The following ZBTB20 variants were observed in gnomAD, a reference collection of about 807,000 sequenced individuals.
The protein encoded by ZBTB20 is zinc finger and BTB domain-containing protein 20.
ZBTB20 carries 9 observed loss-of-function variants against 56.9 expected under a neutral mutation model. The ratio of observed to expected loss-of-function variants is 0.16; its 90% CI spans 0.10 to 0.28. ZBTB20 has a LOEUF of 0.28. Ranked by LOEUF, ZBTB20 falls within the 10% of genes least tolerant of loss-of-function variation. ZBTB20 has a pLI of 1.00. For synonymous variants in ZBTB20, 417 were observed against 420.7 expected (o/e 0.99, Z 0.11); for missense variants, 655 against 1,003.0 (o/e 0.65, Z 4.69).
intron 4 of ZBTB20, among the ~76,000 whole-genome samples, chr3:114,825,690 G>A (rs1051820962): frequency 6.6e-6 from 1 of 151,840 alleles, no homozygotes; most frequent in African/African-American, 2.4e-5. Context: ...AAAATACTGT[G>A]TACTGTCTAT....
At chr3:115,112,553 A>G (rs532534379) in intron 1 of ZBTB20, among the ~76,000 whole-genome samples, 1 of 152,266 alleles carries the variant, frequency 6.6e-6, no homozygotes, top group South Asian at 2.1e-4. Context: ...AGAACACGAG[A>G]TATCTGTATT....
At chr3:114,826,374 A>G (rs751059109) in intron 4 of ZBTB20, among the ~76,000 whole-genome samples, 7 of 151,884 alleles carry the variant, frequency 4.6e-5, no homozygotes, top group Non-Finnish European at 8.9e-5. Context: ...TACAGTTCAT[A>G]GCTCATACCC....
At chr3:114,361,410 G>C (rs2081867364) in intron 10 of ZBTB20, among the ~76,000 whole-genome samples, 1 of 152,124 alleles carries the variant, frequency 6.6e-6, no homozygotes, top group Non-Finnish European at 1.5e-5. Context: ...CCACTGGTTG[G>C]TGAGGTAATA....
At chr3:115,083,403 T>C (rs1376382190) in intron 1 of ZBTB20, among the ~76,000 whole-genome samples, 2 of 152,030 alleles carry the variant, frequency 1.3e-5, no homozygotes, top group African/African-American at 4.8e-5. Flanking sequence ...CATCAAACTA[T>C]ACTGTTTCAC....
rs114139793 is a variant in ZBTB20, at chr3:114,499,740, T to C, written c.-255+612A>G. Among the ~76,000 whole-genome samples the C allele has an allele frequency of 9.7e-3, 1,484 of 152,206 alleles. 25 individuals carry two copies. The highest frequency in any genetic ancestry group is 0.032 in the African/African-American group (1,339 of 41,514). Reference sequence around the variant, plus strand: ...TTTCATATAAAATCGTGTTTTTTTTTCCCCCCGAATACCTTTCCATCTTTT... The same window carrying C: ...TTTCATATAAAATCGTGTTTTTTTTCCCCCCCGAATACCTTTCCATCTTTT... On this transcript the variant is annotated intron_variant, in intron 7 of 11. Transcript: ENST00000675478.
chr3:114,631,382 CTTTTTTT>C (rs66470152), intron 6 of ZBTB20, among the ~76,000 whole-genome samples: 37 of 49,828 alleles, frequency 7.4e-4, no homozygotes, highest in Admixed American at 6.9e-3. Context: ...ATAGGTTATT[CTTTTTTT>C]TTTTTTTTTT....
intron 6 of ZBTB20, among the ~76,000 whole-genome samples, chr3:114,682,361 C>G (rs17681475): frequency 0.56 from 85,046 of 152,072 alleles, 27,891 homozygotes; most frequent in Non-Finnish European, 0.74. Context: ...TCTACAATGC[C>G]TTTTGTATGC....
At chr3:114,450,636 G>A (rs548536568) in intron 7 of ZBTB20, among the ~76,000 whole-genome samples, 2 of 152,220 alleles carry the variant, frequency 1.3e-5, no homozygotes, top group East Asian at 3.9e-4. Flanking sequence ...AGTCTTGCAT[G>A]TAACTATACA....
intron 2 of ZBTB20, among the ~76,000 whole-genome samples, chr3:115,044,647 T>C (rs2081272902): frequency 6.6e-6 from 1 of 152,220 alleles, no homozygotes; most frequent in African/African-American, 2.4e-5. Flanking sequence ...AACATACCAA[T>C]GCCAGAGCCC....
At chr3:114,434,412 G>C (rs1009854938) in intron 7 of ZBTB20, among the ~76,000 whole-genome samples, 2 of 152,096 alleles carry the variant, frequency 1.3e-5, no homozygotes, top group Non-Finnish European at 2.9e-5. Context: ...TCCCATGGTA[G>C]TGGGAAATAG....
intron 6 of ZBTB20, among the ~76,000 whole-genome samples, chr3:114,626,524 G>C (rs973097136): frequency 2.0e-5 from 3 of 152,080 alleles, no homozygotes; most frequent in Non-Finnish European, 4.4e-5. Flanking sequence ...TGGATTGAGA[G>C]GAATCAATAT....
intron 5 of ZBTB20, among the ~76,000 whole-genome samples, chr3:114,765,567 T>G (rs1009940533): frequency 6.6e-6 from 1 of 152,160 alleles, no homozygotes; most frequent in African/African-American, 2.4e-5. Context: ...TCAGACTTCT[T>G]GCTTCCAGAA....
At chr3:114,623,922 T>A (rs1052560370) in intron 6 of ZBTB20, among the ~76,000 whole-genome samples, 1 of 152,190 alleles carries the variant, frequency 6.6e-6, no homozygotes, top group Non-Finnish European at 1.5e-5. Context: ...GCCTCAAGGC[T>A]CTGCCATTGT....
intron 2 of ZBTB20, among the ~76,000 whole-genome samples, chr3:115,009,408 C>T (rs1004939658): frequency 6.6e-6 from 1 of 151,862 alleles, no homozygotes. Flanking sequence ...TCCTACATAC[C>T]TATTCTCCCA....
chr3:114,991,296 G>C (rs1472919184), intron 2 of ZBTB20, among the ~76,000 whole-genome samples: 2 of 152,080 alleles, frequency 1.3e-5, no homozygotes, highest in Non-Finnish European at 2.9e-5. Flanking sequence ...AGAGATTCTA[G>C]TATGCTGTGT....
intron 1 of ZBTB20, among the ~76,000 whole-genome samples, chr3:115,077,818 G>T (rs1392275024): frequency 6.6e-6 from 1 of 152,134 alleles, no homozygotes. Flanking sequence ...ATGGAAGATA[G>T]TCTGAAGTTT....
chr3:114,788,984 G>C (rs2070754222), intron 5 of ZBTB20, among the ~76,000 whole-genome samples: 1 of 152,086 alleles, frequency 6.6e-6, no homozygotes, highest in African/African-American at 2.4e-5. Context: ...AACCGCCCCT[G>C]TGATTCAAGT....
At chr3:114,772,329 G>A (rs1410624281) in intron 5 of ZBTB20, among the ~76,000 whole-genome samples, 4 of 152,056 alleles carry the variant, frequency 2.6e-5, no homozygotes, top group Non-Finnish European at 4.4e-5. Context: ...AACAGAGTGA[G>A]ACTCCGTCTC....
intron 2 of ZBTB20, among the ~76,000 whole-genome samples, chr3:114,990,952 T>A (rs1316585330): frequency 6.6e-6 from 1 of 152,174 alleles, no homozygotes; most frequent in Non-Finnish European, 1.5e-5. Flanking sequence ...GATGGTGATA[T>A]CCCCTTTATC....
Sources: gnomAD v4.1 joint callset for allele counts (sites outside exome capture counted in the v4.1 genomes callset) on GRCh38, gnomAD v4.1.1 for gene constraint, MANE v1.5 for transcripts, NCBI Gene and HGNC (gene_info 2026-07-23, HGNC 2026-07-21) for gene names.